PDSS2: variants seen among roughly 807,000 people sequenced by gnomAD.
The protein encoded by PDSS2 is decaprenyl diphosphate synthase subunit 2, also known as all trans-polyprenyl-diphosphate synthase PDSS2.
PDSS2 carries 31 observed loss-of-function variants against 44.5 expected under a neutral mutation model. The ratio of observed to expected loss-of-function variants is 0.70; its 90% CI spans 0.52 to 0.94. The LOEUF (loss-of-function observed/expected upper bound fraction) is 0.94. Ranked by LOEUF, PDSS2 falls within the 40% of genes least tolerant of loss-of-function variation. The pLI, the probability that PDSS2 is intolerant of heterozygous loss-of-function variation, is 0.00. For missense variants in PDSS2, 452 were observed against 482.2 expected (o/e 0.94, Z 0.59); for synonymous variants, 157 against 180.3 (o/e 0.87, Z 1.03).
intron 3 of PDSS2, among the ~76,000 whole-genome samples, chr6:107,267,543 G>C (rs527416154): frequency 2.0e-5 from 3 of 151,242 alleles, no homozygotes; most frequent in African/African-American, 7.3e-5. Context: ...AGAGACATTT[G>C]AGATGAAATA....
chr6:107,390,458 G>C (rs536737687), intron 1 of PDSS2, among the ~76,000 whole-genome samples: 1 of 152,112 alleles, frequency 6.6e-6, no homozygotes, highest in South Asian at 2.1e-4. Context: ...TCATGAAAAA[G>C]AAAGAAAGAC....
chr6:107,160,452 A>G (rs888879115), intron 7 of PDSS2, among the ~76,000 whole-genome samples: 1 of 151,986 alleles, frequency 6.6e-6, no homozygotes, highest in Non-Finnish European at 1.5e-5. Flanking sequence ...GTGCACAAGC[A>G]ATCCTCCCAT....
At chr6:107,334,956 A>G (rs903816792) in intron 1 of PDSS2, among the ~76,000 whole-genome samples, 2 of 151,994 alleles carry the variant, frequency 1.3e-5, no homozygotes, top group Admixed American at 6.6e-5. Context: ...GCTTGAGACC[A>G]TCCCAGACAA....
rs115765795 is a variant in PDSS2, at chr6:107,442,145, G to A, written c.296+16845C>T. The stretch of plus-strand genomic sequence containing the variant: ...CAAAATCAATTTCTTGGCTAGGCGC[G>A]GTGGCTCACACCTGTAATCCCAACA... On this transcript the variant is annotated intron_variant, in intron 1 of 7. Coordinates refer to ENST00000369037, the MANE Select transcript of PDSS2 (RefSeq NM_020381.4). Among the ~76,000 whole-genome samples, 639 of 152,224 alleles carry A rather than the reference G, an allele frequency of 4.2e-3. 4 individuals are homozygous for A. The highest frequency in any genetic ancestry group is 0.014 in the African/African-American group (592 of 41,534).
At chr6:107,448,736 A>C (rs1562548227) in intron 1 of PDSS2, among the ~76,000 whole-genome samples, 1 of 152,272 alleles carries the variant, frequency 6.6e-6, no homozygotes, top group South Asian at 2.1e-4. Context: ...GGTACCAATT[A>C]GTCTGTTCTC....
intron 1 of PDSS2, among the ~76,000 whole-genome samples, chr6:107,360,728 G>A (rs201466869): frequency 1.3e-5 from 2 of 152,222 alleles, no homozygotes; most frequent in East Asian, 3.8e-4. Flanking sequence ...CATTGTGAAA[G>A]AAGAGAGCGG....
intron 1 of PDSS2, 50 bp from the exon 2 acceptor site, chr6:107,334,382 T>C (rs1324385129): frequency 3.8e-6 from 6 of 1,566,356 alleles, no homozygotes; most frequent in Non-Finnish European, 5.3e-6. Flanking sequence ...CACGAGATCA[T>C]CAGATAACTT....
At chr6:107,203,822 C>G (rs1772875084) in intron 6 of PDSS2, among the ~76,000 whole-genome samples, 1 of 152,184 alleles carries the variant, frequency 6.6e-6, no homozygotes, top group South Asian at 2.1e-4. Context: ...CGCTTCGCCT[C>G]TCCCCAACCC....
chr6:107,165,471 T>C (rs1175021558), intron 7 of PDSS2, among the ~76,000 whole-genome samples: 15 of 152,120 alleles, frequency 9.9e-5, no homozygotes, highest in Admixed American at 9.8e-4. Context: ...GATCAGATGG[T>C]TGTAGATGTG....
chr6:107,452,244 C>CTT (rs1196499531), intron 1 of PDSS2, among the ~76,000 whole-genome samples: 6 of 143,238 alleles, frequency 4.2e-5, no homozygotes, highest in African/African-American at 1.3e-4. Flanking sequence ...TTAGAGAGTT[C>CTT]TTTTTTTTTT....
intron 2 of PDSS2, among the ~76,000 whole-genome samples, chr6:107,307,308 G>T (rs1469453661): frequency 6.6e-6 from 1 of 152,090 alleles, no homozygotes; most frequent in Non-Finnish European, 1.5e-5. Context: ...ATAATAATCA[G>T]AAACAGAGAT....
intron 1 of PDSS2, among the ~76,000 whole-genome samples, chr6:107,404,696 G>A (rs192889456): frequency 5.5e-4 from 84 of 152,232 alleles, no homozygotes; most frequent in African/African-American, 1.9e-3. Context: ...GGAGGTAACC[G>A]CCCCCATGAT....
chr6:107,337,422 T>C (rs1192131684), intron 1 of PDSS2, among the ~76,000 whole-genome samples: 1 of 152,218 alleles, frequency 6.6e-6, no homozygotes, highest in Non-Finnish European at 1.5e-5. Context: ...TACATCAAAT[T>C]AGAACAGTTG....
Position 107,335,056 on chromosome 6 carries a change from G to A in PDSS2, c.297-724C>T, listed in dbSNP as rs78629857. On this transcript the variant is annotated intron_variant, in intron 1 of 7. Coordinates refer to ENST00000369037, the MANE Select transcript of PDSS2 (RefSeq NM_020381.4). ...AGTCTCAGCTACTCAGGAGGCTGAC[G>A]ACGGAGAATGATTTGAGCCCAGGGT... Among the ~76,000 whole-genome samples, 2,065 of 151,436 alleles carry A rather than the reference G, an allele frequency of 0.014. 118 individuals are homozygous for A. In the East Asian group the frequency reaches 0.2, roughly 14 times the overall value.
chr6:107,272,004 C>T (rs1400205700), intron 3 of PDSS2, among the ~76,000 whole-genome samples: 1 of 150,692 alleles, frequency 6.6e-6, no homozygotes, highest in Non-Finnish European at 1.5e-5. Flanking sequence ...GTTGAGGCTG[C>T]AGTGATCACG....
intron 1 of PDSS2, among the ~76,000 whole-genome samples, chr6:107,343,651 G>A (rs2115299034): frequency 6.6e-6 from 1 of 152,114 alleles, no homozygotes; most frequent in Non-Finnish European, 1.5e-5. Context: ...ATACAAAATT[G>A]TATACATCAT....
chr6:107,358,779 T>C (rs752325268), intron 1 of PDSS2, among the ~76,000 whole-genome samples: 1 of 152,180 alleles, frequency 6.6e-6, no homozygotes, highest in Non-Finnish European at 1.5e-5. Flanking sequence ...ACAGGCATTA[T>C]ATTTAGTAGC....
chr6:107,298,184 T>C (rs1437103074), intron 2 of PDSS2, among the ~76,000 whole-genome samples: 1 of 152,172 alleles, frequency 6.6e-6, no homozygotes, highest in African/African-American at 2.4e-5. Flanking sequence ...TGAGAAGAAG[T>C]AGCAGAAAGT....
Position 107,338,203 on chromosome 6 carries a change from T to C in PDSS2, c.297-3871A>G, listed in dbSNP as rs144994683. On this transcript the variant is annotated intron_variant, in intron 1 of 7. Transcript: ENST00000369037. ...AAAACAAACAAACAAACAAAAAACA[T>C]GGGATTCTAAACTTACAGAGACAAT... Among the ~76,000 whole-genome samples, 334 of 152,148 alleles carry C rather than the reference T, an allele frequency of 2.2e-3. 1 individual carries two copies. The highest frequency in any genetic ancestry group is 7.7e-3 in the African/African-American group (319 of 41,520).
Sources: allele counts gnomAD v4.1 joint callset (sites outside exome capture counted in the v4.1 genomes callset), GRCh38; gene constraint gnomAD v4.1.1; transcripts MANE v1.5; gene names NCBI Gene and HGNC (gene_info 2026-07-23, HGNC 2026-07-21).